The following ZSCAN30 variants were observed in gnomAD, a reference collection of about 807,000 sequenced individuals.
ZSCAN30 encodes the protein zinc finger and SCAN domain containing 30.
In ZSCAN30, 37 loss-of-function variants were observed where a neutral mutation model predicts 44.3. The ratio of observed to expected loss-of-function variants is 0.84; its 90% CI spans 0.64 to 1.10. The LOEUF is 1.10. Ranked by LOEUF, ZSCAN30 falls within the 50% of genes least tolerant of loss-of-function variation. The pLI is 0.00. For synonymous variants in ZSCAN30, 181 were observed against 204.6 expected (o/e 0.88, Z 0.98); for missense variants, 549 against 582.6 (o/e 0.94, Z 0.59).
At chr18:35,262,412 C>T (rs981472783) in intron 3 of ZSCAN30, 22 of 152,338 alleles carry the variant, frequency 1.4e-4, no homozygotes, top group African/African-American at 5.3e-4. Context: ...TCTGTGACAG[C>T]TATCAATTTA....
chr18:35,253,353 A>G lies in ZSCAN30; in HGVS notation c.*97T>C, dbSNP rs2043662488. The G allele has an allele frequency of 1.0e-6, 1 of 966,014 alleles. No homozygotes were observed. 59.8% of individuals were successfully genotyped at this position (966,014 alleles called of 1,614,324 possible). A position where few individuals can be genotyped will look rare whatever the true frequency, so the allele number is the denominator to read the frequency against. ...TAGTACCGAACTGGGAGGGAAGGAC[A>G]GAAGTTCTGCTCTCAGGAAACTTTT... On this transcript the variant is annotated 3_prime_UTR_variant, in exon 4 of 4. Transcript: ENST00000333206.
intron 3 of ZSCAN30, among the ~76,000 whole-genome samples, chr18:35,256,010 A>C (rs1309242128): frequency 6.6e-6 from 1 of 152,230 alleles, no homozygotes; most frequent in Non-Finnish European, 1.5e-5. Context: ...ATAAAGTGGC[A>C]ATATAATTGT....
At chr18:35,254,411 C>T (rs370490893) in intron 3 of ZSCAN30, 30 bp from the exon 4 acceptor site, 23 of 1,613,586 alleles carry the variant, frequency 1.4e-5, no homozygotes, top group Middle Eastern at 1.6e-4. Context: ...GTGTAAGTAT[C>T]ATTTACTTCC....
chr18:35,271,006 C>T (rs1251656838), intron 1 of ZSCAN30, among the ~76,000 whole-genome samples: 1 of 152,192 alleles, frequency 6.6e-6, no homozygotes. Flanking sequence ...GTTGTTCATT[C>T]CTCCCAGTAG....
At chr18:35,266,499 T>C (rs1175395328) in intron 1 of ZSCAN30, among the ~76,000 whole-genome samples, 2 of 152,088 alleles carry the variant, frequency 1.3e-5, no homozygotes, top group Non-Finnish European at 2.9e-5. Flanking sequence ...GGTTGGCCCT[T>C]GTGACTAGAG....
Position 35,264,416 on chromosome 18 carries a change from C to T in ZSCAN30, c.-64G>A, listed in dbSNP as rs2044103950. On this transcript the variant is annotated 5_prime_UTR_variant, in exon 2 of 4. Coordinates refer to ENST00000333206, the MANE Select transcript of ZSCAN30 (RefSeq NM_001112734.4). ...GCAGGGAGGAGATGGAGATTTGCGT[C>T]TGAGAGATTCCTTCTGAATTCCAAC... 6.6e-7 allele frequency: 1 copy of T among 1,523,592 alleles called. No homozygotes were observed. Among genetic ancestry groups the T allele is most frequent in the Admixed American group, 2.0e-5 (1 of 50,498 alleles). The allele number at this position is 1,523,592 out of a possible 1,614,324, so 94.4% of individuals were successfully genotyped here. A position where few individuals can be genotyped will look rare whatever the true frequency, so the allele number is the denominator to read the frequency against.
intron 1 of ZSCAN30, among the ~76,000 whole-genome samples, chr18:35,288,358 G>A (rs1191294063): frequency 6.6e-6 from 1 of 152,188 alleles, no homozygotes; most frequent in Non-Finnish European, 1.5e-5. Context: ...AGGATGTGGA[G>A]GAACCGGAAC....
chr18:35,266,432 G>A (rs1250110620), intron 1 of ZSCAN30, among the ~76,000 whole-genome samples: 1 of 152,072 alleles, frequency 6.6e-6, no homozygotes, highest in Non-Finnish European at 1.5e-5. Flanking sequence ...GATTTGACAG[G>A]ACTTGACACA....
At chr18:35,277,575 T>C (rs926790584) in intron 1 of ZSCAN30, among the ~76,000 whole-genome samples, 2 of 152,164 alleles carry the variant, frequency 1.3e-5, no homozygotes, top group African/African-American at 4.8e-5. Flanking sequence ...CTTACCACCA[T>C]GTGAAGAAGG....
In ZSCAN30 at chr18:35,269,503, A is replaced by G. The variant is rs187089149; in HGVS notation, c.-103-5048T>C. 128 of 151,996 alleles carry G rather than the reference A, an allele frequency of 8.4e-4. No homozygotes were observed. The Middle Eastern group carries it at 0.014, about 16-fold the overall frequency. The allele number at this position is 151,996 out of a possible 1,614,324, so 9.4% of individuals were successfully genotyped here. ...AAAAAAGCTTGCAATAGAAAGAATA[A>G]TATCTGCAGGGCAGGTATGGGGATC... On this transcript the variant is annotated intron_variant, in intron 1 of 3. Transcript: ENST00000333206.
chr18:35,274,506 T>G (rs1181750471), intron 1 of ZSCAN30, among the ~76,000 whole-genome samples: 1 of 152,224 alleles, frequency 6.6e-6, no homozygotes, highest in Non-Finnish European at 1.5e-5. Flanking sequence ...TACTACAAGT[T>G]CACCTTTATT....
At chr18:35,277,738 G>C (rs2044392132) in intron 1 of ZSCAN30, among the ~76,000 whole-genome samples, 1 of 152,074 alleles carries the variant, frequency 6.6e-6, no homozygotes, top group African/African-American at 2.4e-5. Context: ...AATACAGTAG[G>C]CTATACCATC....
In ZSCAN30 at chr18:35,281,061, C is replaced by T. The variant is rs1006566216; in HGVS notation, c.-104+9023G>A. On this transcript the variant is annotated intron_variant, in intron 1 of 3. Coordinates refer to ENST00000333206, the MANE Select transcript of ZSCAN30 (RefSeq NM_001112734.4). Reference sequence around the variant, plus strand: ...CTTTTCTCAAATAAATTTACTATCTCAAAAAGATTGAGAATCACTGCTCTA... The same window carrying T: ...CTTTTCTCAAATAAATTTACTATCTTAAAAAGATTGAGAATCACTGCTCTA... The T allele has an allele frequency of 2.6e-5, 4 of 152,292 alleles. No homozygotes were observed. The East Asian group carries it at 7.7e-4, about 29-fold the overall frequency. The allele number at this position is 152,292 out of a possible 1,614,324, so 9.4% of individuals were successfully genotyped here. A position where few individuals can be genotyped will look rare whatever the true frequency, so the allele number is the denominator to read the frequency against.
At chr18:35,285,154 G>A (rs187849400) in intron 1 of ZSCAN30, 113 of 153,006 alleles carry the variant, frequency 7.4e-4, no homozygotes, top group African/African-American at 2.3e-3. Context: ...ACTCCAGCCT[G>A]GGCAACAGAG....
At chr18:35,280,216 C>T (rs1245189425) in intron 1 of ZSCAN30, among the ~76,000 whole-genome samples, 1 of 150,440 alleles carries the variant, frequency 6.6e-6, no homozygotes, top group Non-Finnish European at 1.5e-5. Context: ...GTTGAGGCTG[C>T]AGTGAGCTGT....
In ZSCAN30 at chr18:35,253,332, A is replaced by G; in HGVS notation, c.*118T>C. Reference sequence around the variant, plus strand: ...CTTTGTGTGCATGTCTTCTTATAGTACCGAACTGGGAGGGAAGGACAGAAG... The same window carrying G: ...CTTTGTGTGCATGTCTTCTTATAGTGCCGAACTGGGAGGGAAGGACAGAAG... On this transcript the variant is annotated 3_prime_UTR_variant, in exon 4 of 4. Coordinates refer to ENST00000333206, the MANE Select transcript of ZSCAN30 (RefSeq NM_001112734.4). 1 of 732,462 alleles carries G rather than the reference A, an allele frequency of 1.4e-6. No individual in the cohort carries two copies. The allele number at this position is 732,462 out of a possible 1,614,324, so 45.4% of individuals were successfully genotyped here.
At chr18:35,268,746 A>G (rs895328756) in intron 1 of ZSCAN30, 3 of 152,226 alleles carry the variant, frequency 2.0e-5, no homozygotes, top group Non-Finnish European at 1.5e-5. Flanking sequence ...AAAATAGACA[A>G]TAATCTCTTT....
At chr18:35,263,163 C>G (rs2044062573) in intron 3 of ZSCAN30, 1 of 387,294 alleles carries the variant, frequency 2.6e-6, no homozygotes, top group Non-Finnish European at 4.9e-6. Context: ...ATCACTTTAA[C>G]CCAGGGGTTC....
intron 1 of ZSCAN30, chr18:35,284,021 C>A (rs2044508094): frequency 6.6e-6 from 1 of 152,618 alleles, no homozygotes; most frequent in Non-Finnish European, 1.5e-5. Context: ...GTGGGTAGCT[C>A]CTCTCTGCAG....
Sources: gnomAD v4.1 joint callset for allele counts (sites outside exome capture counted in the v4.1 genomes callset) on GRCh38, gnomAD v4.1.1 for gene constraint, MANE v1.5 for transcripts, NCBI Gene and HGNC (gene_info 2026-07-23, HGNC 2026-07-21) for gene names.